CHCHD3: variants seen among roughly 807,000 people sequenced by gnomAD.
CHCHD3 encodes the protein coiled-coil-helix-coiled-coil-helix domain containing 3.
CHCHD3 carries 20 observed loss-of-function variants against 38.2 expected under a neutral mutation model. The observed-to-expected ratio is 0.52, with a 90% CI of 0.37 to 0.76. The LOEUF (loss-of-function observed/expected upper bound fraction) is 0.76, where lower values mean the gene tolerates loss of function less well. CHCHD3 is among the 30% of genes least tolerant of loss of function. The probability of loss-of-function intolerance (pLI) is 0.00; values close to 1 mark genes in which losing one functional copy is unlikely to be tolerated. For synonymous variants in CHCHD3, 82 were observed against 100.0 expected (o/e 0.82, Z 1.07); for missense variants, 245 against 279.2 (o/e 0.88, Z 0.87).
chr7:133,024,205 G>A (rs533302581), intron 3 of CHCHD3, among the ~76,000 whole-genome samples: 1 of 152,326 alleles, frequency 6.6e-6, no homozygotes, highest in South Asian at 2.1e-4. Flanking sequence ...GCCTGTGGCA[G>A]GCAATATAAT....
At chr7:133,011,557 C>T (rs1038030039) in intron 3 of CHCHD3, among the ~76,000 whole-genome samples, 4 of 152,100 alleles carry the variant, frequency 2.6e-5, no homozygotes, top group African/African-American at 7.2e-5. Flanking sequence ...CAGTGGTACC[C>T]CCAATGTTAG....
At chr7:132,899,170 A>G (rs1478230438) in intron 4 of CHCHD3, among the ~76,000 whole-genome samples, 2 of 152,142 alleles carry the variant, frequency 1.3e-5, no homozygotes, top group African/African-American at 4.8e-5. Context: ...GTCACCTCTC[A>G]CTAAGACATA....
intron 6 of CHCHD3, among the ~76,000 whole-genome samples, chr7:132,806,436 A>G (rs554834589): frequency 6.6e-6 from 1 of 152,322 alleles, no homozygotes; most frequent in African/African-American, 2.4e-5. Context: ...TATCTAGCCC[A>G]TTAAGAACTG....
intron 6 of CHCHD3, among the ~76,000 whole-genome samples, chr7:132,837,681 T>C (rs1807822673): frequency 6.6e-6 from 1 of 152,222 alleles, no homozygotes; most frequent in African/African-American, 2.4e-5. Context: ...CAACTAAAGC[T>C]GTCACAACAA....
intron 2 of CHCHD3, among the ~76,000 whole-genome samples, chr7:133,048,183 C>G (rs1206176845): frequency 1.3e-5 from 2 of 151,828 alleles, no homozygotes; most frequent in African/African-American, 4.8e-5. Flanking sequence ...TCACTTACTT[C>G]GTGGAGACAG....
chr7:132,964,116 G>T (rs1469795929), intron 4 of CHCHD3, among the ~76,000 whole-genome samples: 2 of 152,144 alleles, frequency 1.3e-5, no homozygotes, highest in Non-Finnish European at 2.9e-5. Context: ...TTCACTACGA[G>T]TAGACACTGC....
chr7:132,808,289 T>C (rs963541041), intron 6 of CHCHD3, among the ~76,000 whole-genome samples: 19 of 152,146 alleles, frequency 1.2e-4, no homozygotes, highest in African/African-American at 4.3e-4. Context: ...GTTGGCCCCT[T>C]CTCTGTCTTT....
intron 4 of CHCHD3, chr7:132,973,858 C>T: frequency 3.5e-6 from 4 of 1,153,528 alleles, no homozygotes; most frequent in Non-Finnish European, 4.3e-6. Flanking sequence ...CTCTTCAGTT[C>T]AAAGTTCTCC....
In CHCHD3 at chr7:133,035,910, C is replaced by G. The variant is rs1584662719; in HGVS notation, c.170-11283G>C. 5 of 1,601,250 alleles carry G rather than the reference C, an allele frequency of 3.1e-6. No homozygotes were observed. The East Asian group carries it at 1.1e-4, about 36-fold the overall frequency. ...GTTTTCAGGATACGTGTACAGGGTC[C>G]CAGCCGCCATGGTGATTCCGCAAAG... On this transcript the variant is annotated intron_variant, in intron 2 of 7. Coordinates refer to ENST00000262570, the MANE Select transcript of CHCHD3 (RefSeq NM_017812.4). The surrounding 1 kb of genome is among the most constrained non-coding windows in gnomAD (Gnocchi z 4.7).
At chr7:133,072,270 A>C (rs112300863) in intron 1 of CHCHD3, among the ~76,000 whole-genome samples, 1 of 151,180 alleles carries the variant, frequency 6.6e-6, no homozygotes, top group African/African-American at 2.5e-5. Flanking sequence ...CTTTAAAAAA[A>C]AAAAGCTATT....
chr7:132,939,205 A>C (rs1045312342), intron 4 of CHCHD3, among the ~76,000 whole-genome samples: 1 of 152,128 alleles, frequency 6.6e-6, no homozygotes, highest in Non-Finnish European at 1.5e-5. Context: ...ATAATATTTA[A>C]AATAAGCTTA....
intron 5 of CHCHD3, among the ~76,000 whole-genome samples, chr7:132,874,301 C>T (rs966942211): frequency 6.6e-6 from 1 of 152,144 alleles, no homozygotes; most frequent in Non-Finnish European, 1.5e-5. Flanking sequence ...GATTACTGAC[C>T]ATCATCAAAC....
intron 3 of CHCHD3, among the ~76,000 whole-genome samples, chr7:132,982,332 TAGA>T: frequency 6.6e-6 from 1 of 152,360 alleles, no homozygotes; most frequent in African/African-American, 2.4e-5. Flanking sequence ...TCTCCCAGGC[TAGA>T]GTGCAGTGGT....
At position 133,035,571 on chromosome 7, in the gene CHCHD3, G is replaced by T. The variant is rs753248309; in HGVS notation, c.170-10944C>A. The stretch of plus-strand genomic sequence containing the variant: ...TTTGTTGTGGTGCATGATGCCCAAG[G>T]TGGGGAACACCCAGGTACTGGCTGG... On this transcript the variant is annotated intron_variant, in intron 2 of 7. Coordinates refer to ENST00000262570, the MANE Select transcript of CHCHD3 (RefSeq NM_017812.4). This position sits in a 1 kb window ranked among gnomAD's most constrained non-coding sequence, Gnocchi z 4.7. 6.2e-6 allele frequency: 10 copies of T among 1,613,504 alleles called. No individual in the cohort carries two copies. Among genetic ancestry groups the T allele is most frequent in the South Asian group, 1.1e-5 (1 of 91,056 alleles).
At chr7:132,855,607 A>C (rs576657708) in intron 5 of CHCHD3, among the ~76,000 whole-genome samples, 3 of 152,190 alleles carry the variant, frequency 2.0e-5, no homozygotes, top group Non-Finnish European at 4.4e-5. Flanking sequence ...GAATAGAGGC[A>C]CATTGAAAAG....
chr7:133,020,763 AC>A (rs1217443859), intron 3 of CHCHD3, among the ~76,000 whole-genome samples: 2 of 152,170 alleles, frequency 1.3e-5, no homozygotes, highest in Non-Finnish European at 2.9e-5. Flanking sequence ...ATGTTGTGTC[AC>A]CGAGGTTTTG....
At chr7:132,967,454 A>G (rs1448139453) in intron 4 of CHCHD3, among the ~76,000 whole-genome samples, 3 of 151,942 alleles carry the variant, frequency 2.0e-5, no homozygotes, top group African/African-American at 7.3e-5. Flanking sequence ...TCTAGTCAGC[A>G]TAATATTGAG....
chr7:132,824,826 A>G (rs1463928340), intron 6 of CHCHD3, among the ~76,000 whole-genome samples: 6 of 152,164 alleles, frequency 3.9e-5, no homozygotes. Flanking sequence ...AGAAAATCTC[A>G]AGATGAGAAG....
chr7:133,024,647 G>A lies in CHCHD3; in HGVS notation c.170-20C>T, dbSNP rs774666850. ...CAGAAACTAGAATCGATAAAGAGCAGAAGGAGATAAAATAGGTGACTTCTT... is the reference window on the plus strand; with the variant it reads ...CAGAAACTAGAATCGATAAAGAGCAAAAGGAGATAAAATAGGTGACTTCTT... On this transcript the variant is annotated intron_variant, in intron 2 of 7. Coordinates refer to ENST00000262570, the MANE Select transcript of CHCHD3 (RefSeq NM_017812.4). 3.8e-6 allele frequency: 6 copies of A among 1,559,318 alleles called. No individual in the cohort carries two copies. The highest frequency in any genetic ancestry group is 4.5e-5 in the East Asian group (2 of 44,616).
Sources: allele counts gnomAD v4.1 joint callset (sites outside exome capture counted in the v4.1 genomes callset), GRCh38; gene constraint gnomAD v4.1.1; non-coding constraint Gnocchi (gnomAD v3.1); transcripts MANE v1.5; gene names NCBI Gene and HGNC (gene_info 2026-07-23, HGNC 2026-07-21).